LGSN: variants seen among roughly 807,000 people sequenced by gnomAD.
LGSN encodes the protein lengsin.
Under a neutral mutation model 19.5 loss-of-function variants are expected in LGSN, and 21 were observed. The ratio of observed to expected loss-of-function variants is 1.07; its 90% confidence interval spans 0.76 to 1.55. The LOEUF (loss-of-function observed/expected upper bound fraction) is 1.55, where lower values mean the gene tolerates loss of function less well. Among genes scored for constraint, LGSN ranks in the 40% most tolerant of loss-of-function variants. LGSN has a pLI of 0.00. For missense variants in LGSN, 673 were observed against 608.5 expected (o/e 1.11, Z -1.12); for synonymous variants, 257 against 215.6 (o/e 1.19, Z -1.68).
chr6:63,329,959 C>T, the LGSN span, among the ~76,000 whole-genome samples: 444 of 152,236 alleles, frequency 2.9e-3, 2 homozygotes, highest in African/African-American at 9.9e-3. Context: ...CTGAGAAGGC[C>T]GCGCTAGTGT....
chr6:63,454,102 C>T, the LGSN span, among the ~76,000 whole-genome samples: 100 of 152,256 alleles, frequency 6.6e-4, no homozygotes, highest in Non-Finnish European at 1.3e-3. Flanking sequence ...TTAGTGTTCT[C>T]CTGATGCTAC....
At chr6:63,352,346 T>A in the LGSN span, among the ~76,000 whole-genome samples, 2 of 152,178 alleles carry the variant, frequency 1.3e-5, no homozygotes, top group Non-Finnish European at 2.9e-5. Flanking sequence ...TCACAAGGAC[T>A]CCACTAAGAT....
At chr6:63,507,335 G>A in the LGSN span, among the ~76,000 whole-genome samples, 1 of 152,188 alleles carries the variant, frequency 6.6e-6, no homozygotes, top group Admixed American at 6.5e-5. Flanking sequence ...GTGAGTTAAG[G>A]GAGGGTTATT....
chr6:63,461,111 G>A, the LGSN span, among the ~76,000 whole-genome samples: 183 of 152,154 alleles, frequency 1.2e-3, no homozygotes, highest in Non-Finnish European at 1.7e-3. Flanking sequence ...TCTGTCGCCC[G>A]GGCTGGAGTA....
upstream of LGSN, chr6:63,320,024 C>T (rs1380360676): frequency 2.9e-6 from 3 of 1,030,836 alleles, no homozygotes; most frequent in African/African-American, 4.7e-5. Flanking sequence ...TGTGTACCTA[C>T]AACAAAGACT....
chr6:63,385,352 G>A, the LGSN span, among the ~76,000 whole-genome samples: 1 of 152,154 alleles, frequency 6.6e-6, no homozygotes, highest in African/African-American at 2.4e-5. Flanking sequence ...TCTTAATGAT[G>A]CTGCTGAGCC....
chr6:63,398,827 A>G, the LGSN span, among the ~76,000 whole-genome samples: 6 of 152,064 alleles, frequency 3.9e-5, no homozygotes, highest in Non-Finnish European at 7.4e-5. Flanking sequence ...TAAAATATAT[A>G]TATTTTTTCT....
chr6:63,409,312 A>G, the LGSN span, among the ~76,000 whole-genome samples: 2 of 152,350 alleles, frequency 1.3e-5, no homozygotes, highest in East Asian at 3.8e-4. Flanking sequence ...CTTTCTTTAG[A>G]TATATTAATA....
chr6:63,356,988 C>T, the LGSN span, among the ~76,000 whole-genome samples: 1 of 119,834 alleles, frequency 8.3e-6, no homozygotes, highest in Non-Finnish European at 1.7e-5. Context: ...CCCCTCCCCC[C>T]ACCCCACAAC....
chr6:63,285,875 A>C, intron 2 of LGSN, 122 bp from the exon 3 acceptor site: 1 of 737,910 alleles, frequency 1.4e-6, no homozygotes, highest in South Asian at 1.9e-5. Context: ...TCATCATGTC[A>C]CTGGCTTAGA....
At chr6:63,552,048 G>GT in the LGSN span, among the ~76,000 whole-genome samples, 1 of 152,138 alleles carries the variant, frequency 6.6e-6, no homozygotes, top group African/African-American at 2.4e-5. Flanking sequence ...AATCCTTTGG[G>GT]TGTATACCCA....
chr6:63,547,542 G>T, the LGSN span, among the ~76,000 whole-genome samples: 1 of 116,944 alleles, frequency 8.6e-6, no homozygotes, highest in Non-Finnish European at 1.7e-5. Flanking sequence ...GTCTTGCTCT[G>T]TCGCCCAGGC....
the LGSN span, among the ~76,000 whole-genome samples, chr6:63,338,763 G>T: frequency 6.6e-6 from 1 of 151,754 alleles, no homozygotes; most frequent in Non-Finnish European, 1.5e-5. Context: ...TACATCCTTA[G>T]GTTGTTTATT....
chr6:63,473,015 A>G, the LGSN span, among the ~76,000 whole-genome samples: 1 of 152,076 alleles, frequency 6.6e-6, no homozygotes, highest in South Asian at 2.1e-4. Flanking sequence ...CACATTTTAA[A>G]AGTTTTGGCA....
In LGSN at chr6:63,278,091, AT is replaced by A. The variant is rs1767151478; in HGVS notation, c.*1929del. ...ACTCCATCTCGGAAAAAAAAAAAAA[AT>A]ACAAGAAAAGAAAAGAAAATGTCCT... On this transcript the variant is annotated 3_prime_UTR_variant, in exon 4 of 4. Transcript: ENST00000370657. 6.6e-6 allele frequency: 1 copy of A among 151,844 alleles called. No homozygotes were observed. The highest frequency in any genetic ancestry group is 2.4e-5 in the African/African-American group (1 of 41,226). The allele number at this position is 151,844 out of a possible 1,614,324, so 9.4% of individuals were successfully genotyped here.
chr6:63,296,986 G>C (rs1353292910), intron 1 of LGSN, among the ~76,000 whole-genome samples: 2 of 151,034 alleles, frequency 1.3e-5, no homozygotes. Flanking sequence ...GATCAAAAGA[G>C]AAAGTTTCTT....
the LGSN span, among the ~76,000 whole-genome samples, chr6:63,420,008 A>ATCC: frequency 6.9e-6 from 1 of 145,012 alleles, no homozygotes; most frequent in Admixed American, 7.2e-5. Flanking sequence ...GATTGAGACC[A>ATCC]TGGCTAACAC....
At chr6:63,367,065 G>A in the LGSN span, among the ~76,000 whole-genome samples, 1 of 152,058 alleles carries the variant, frequency 6.6e-6, no homozygotes, top group Admixed American at 6.6e-5. Flanking sequence ...AAAAGCAAAG[G>A]CAACAAAAGC....
At chr6:63,419,594 T>C in the LGSN span, among the ~76,000 whole-genome samples, 1 of 151,992 alleles carries the variant, frequency 6.6e-6, no homozygotes, top group Non-Finnish European at 1.5e-5. Context: ...CCTTAAGTAC[T>C]TGATACTTTT....
Sources: gnomAD v4.1 joint callset for allele counts (sites outside exome capture counted in the v4.1 genomes callset) on GRCh38, gnomAD v4.1.1 for gene constraint, MANE v1.5 for transcripts, NCBI Gene and HGNC (gene_info 2026-07-23, HGNC 2026-07-21) for gene names.